Variants in PXDN observed in about 807,000 individuals in gnomAD.
The protein encoded by PXDN is peroxidasin homolog.
PXDN carries 77 observed loss-of-function variants against 140.3 expected under a neutral mutation model. That is an observed-to-expected ratio of 0.55 (90% CI 0.46 to 0.66). The LOEUF is 0.66. Ranked by LOEUF, PXDN falls within the 30% of genes least tolerant of loss-of-function variation. The probability of loss-of-function intolerance (pLI) is 0.00; values close to 1 mark genes in which losing one functional copy is unlikely to be tolerated. For missense variants in PXDN, 1,838 were observed against 2,039.5 expected, an observed-to-expected ratio of 0.90 and a Z score of 1.90; for synonymous variants, 911 against 857.4, an observed-to-expected ratio of 1.06 and a Z score of -1.09.
rs1486616098 is a variant in PXDN, at chr2:1,651,460, G to C, written c.2105-1785C>G. Among the ~76,000 whole-genome samples the C allele has an allele frequency of 3.9e-5, 6 of 152,196 alleles. No homozygotes were observed. Among genetic ancestry groups the C allele is most frequent in the Non-Finnish European group, 1.5e-5 (1 of 68,038 alleles). On this transcript the variant is annotated intron_variant, in intron 16 of 22. Coordinates refer to ENST00000252804, the MANE Select transcript of PXDN (RefSeq NM_012293.3). The surrounding 1 kb of genome is among the most constrained non-coding windows in gnomAD (Gnocchi z 4.4). The stretch of plus-strand genomic sequence containing the variant: ...GCTTGAAAATGCATCAAACCATGTT[G>C]CTTCTCTGCAGGAAACCCTAAGGTT...
intron 3 of PXDN, among the ~76,000 whole-genome samples, chr2:1,688,282 C>T (rs1372684016): frequency 1.3e-5 from 2 of 152,216 alleles, no homozygotes; most frequent in African/African-American, 2.4e-5. Context: ...TATTTCCTAA[C>T]ATGTGAACTT....
chr2:1,719,867 TGTGTGTGA>T lies in PXDN; in HGVS notation c.200+24381_200+24388del, dbSNP rs1400532739. ...GTGTGTGTGTGTGTGTGTGTGTGTG[TGTGTGTGA>T]AAGAGAGAGAGGGAGGGAGATTCAG... is the stretch of plus-strand genomic sequence containing the variant. On this transcript the variant is annotated intron_variant, in intron 1 of 22. Transcript: ENST00000252804. Among the ~76,000 whole-genome samples, 50 of 146,858 alleles carry T rather than the reference TGTGTGTGA, an allele frequency of 3.4e-4. 1 individual carries two copies. Among genetic ancestry groups the T allele is most frequent in the Admixed American group, 4.8e-4 (7 of 14,706 alleles).
At chr2:1,741,802 T>C (rs1335421909) in intron 1 of PXDN, among the ~76,000 whole-genome samples, 5 of 152,106 alleles carry the variant, frequency 3.3e-5, no homozygotes, top group African/African-American at 7.2e-5. Context: ...TAATCACATA[T>C]ACATGAGAGC....
rs1309656764 is a variant in PXDN at position 1,683,709 on chromosome 2, C to G, written c.507G>C (p.Arg169=). Residue 169 remains arginine, a synonymous_variant, in exon 6 of 23, where the codon CGG becomes CGC. Transcript: ENST00000252804. The stretch of plus-strand genomic sequence containing the variant: ...ATGTCCCTGGAACTAAATGTGTAAT[C>G]CGGTTGTTATGCAAAAATCTGTTGA... ...KLERLFLHNN[R]ITHLVPGTFN... 1 of 1,603,986 alleles carries G rather than the reference C, an allele frequency of 6.2e-7. No individual in the cohort carries two copies. The highest frequency in any genetic ancestry group is 1.1e-5 in the South Asian group (1 of 87,782).
Position 1,744,427 on chromosome 2 carries a change from C to G in PXDN, c.29G>C (p.Arg10Pro). MAKRSRGPG[R>P]RCLLALVLFC... ...CAGCACGAGCGCCAACAGGCAGCGG[C>G]GCCCGGGGCCCCTGGAGCGCTTGGC... The change falls in exon 1 of 23, where the codon CGC becomes CCC. Residue 10 changes from arginine (R) to proline (P), a missense_variant. This residue lies in a region of PXDN where 231 missense variants were observed against 201.5 expected (regional missense o/e 1.15). Coordinates refer to ENST00000252804, the MANE Select transcript of PXDN (RefSeq NM_012293.3). 2.7e-6 allele frequency: 4 copies of G among 1,505,854 alleles called. No individual in the cohort carries two copies. Among genetic ancestry groups the G allele is most frequent in the Non-Finnish European group, 2.6e-6 (3 of 1,134,532 alleles). The allele number at this position is 1,505,854 out of a possible 1,614,324, so 93.3% of individuals were successfully genotyped here.
At chr2:1,653,374 C>T in intron 16 of PXDN, 1 of 520,460 alleles carries the variant, frequency 1.9e-6, no homozygotes, top group Non-Finnish European at 3.6e-6. Flanking sequence ...CCACTCAGGG[C>T]AGGTGGACCT....
At chr2:1,734,980 T>C (rs1204632573) in intron 1 of PXDN, among the ~76,000 whole-genome samples, 3 of 152,220 alleles carry the variant, frequency 2.0e-5, no homozygotes, top group Non-Finnish European at 4.4e-5. Flanking sequence ...AGATCCTGTG[T>C]TGTCATTTCA....
At chr2:1,738,972 G>A (rs1408849362) in intron 1 of PXDN, among the ~76,000 whole-genome samples, 4 of 152,116 alleles carry the variant, frequency 2.6e-5, no homozygotes, top group Non-Finnish European at 5.9e-5. Flanking sequence ...GCTGCTGCCC[G>A]GACAATGCAA....
At chr2:1,701,983 TTGGTAACTGCTGCTG>T (rs1333488497) in intron 1 of PXDN, among the ~76,000 whole-genome samples, 7 of 152,124 alleles carry the variant, frequency 4.6e-5, no homozygotes, top group Non-Finnish European at 1.0e-4. Context: ...CAGGGGTGAA[TTGGTAACTGCTGCTG>T]TGTTTACAGG....
At chr2:1,690,547 C>G (rs745677688) in intron 3 of PXDN, among the ~76,000 whole-genome samples, 3 of 147,708 alleles carry the variant, frequency 2.0e-5, no homozygotes, top group African/African-American at 5.0e-5. Flanking sequence ...ACCTATTAAA[C>G]ACACATATAC....
At position 1,648,318 on chromosome 2, in the gene PXDN, C is replaced by T; in HGVS notation, c.3462G>A (p.Leu1154=). The T allele has an allele frequency of 6.2e-7, 1 of 1,613,884 alleles. No homozygotes were observed. The highest frequency in any genetic ancestry group is 2.2e-5 in the East Asian group (1 of 44,862). Residue 1154 remains leucine, a synonymous_variant, in exon 17 of 23, where the codon CTG becomes CTA. Transcript: ENST00000252804. This position sits in a 1 kb window ranked among gnomAD's most constrained non-coding sequence, Gnocchi z 8.9. ...FSMAHTVALD[L]AAINIQRGRD... Reference sequence around the variant, plus strand: ...GGCCCCGCTGGATGTTGATGGCCGCCAGGTCCAGAGCCACCGTGTGTGCCA... The same window carrying T: ...GGCCCCGCTGGATGTTGATGGCCGCTAGGTCCAGAGCCACCGTGTGTGCCA...
intron 1 of PXDN, among the ~76,000 whole-genome samples, chr2:1,705,139 C>T (rs1684562211): frequency 6.6e-6 from 1 of 152,024 alleles, no homozygotes; most frequent in Non-Finnish European, 1.5e-5. Flanking sequence ...CGTCTGCACA[C>T]ATCCCAGTGC....
chr2:1,736,453 T>C (rs1465988368), intron 1 of PXDN, among the ~76,000 whole-genome samples: 1 of 151,994 alleles, frequency 6.6e-6, no homozygotes, highest in Non-Finnish European at 1.5e-5. Flanking sequence ...CACACAACAT[T>C]TAGATTAAGT....
In PXDN at chr2:1,649,410, G is replaced by A. The variant is rs996158227; in HGVS notation, c.2370C>T (p.His790=). 1.9e-6 allele frequency: 3 copies of A among 1,613,886 alleles called. No homozygotes were observed. The highest frequency in any genetic ancestry group is 1.3e-5 in the African/African-American group (1 of 74,932). The change falls in exon 17 of 23, where the codon CAC becomes CAT. Residue 790 remains histidine, a synonymous_variant. Transcript: ENST00000252804. This position sits in a 1 kb window ranked among gnomAD's most constrained non-coding sequence, Gnocchi z 7.1. ...GINPHRLYNG[H]ALPMPRLVST... ...ACACCAGGCGCGGCATGGGAAGGGCGTGCCCGTTGTACAGTCGGTGGGGGT... is the reference window on the plus strand; with the variant it reads ...ACACCAGGCGCGGCATGGGAAGGGCATGCCCGTTGTACAGTCGGTGGGGGT...
At chr2:1,689,569 G>A (rs569547930) in intron 3 of PXDN, among the ~76,000 whole-genome samples, 154 of 152,238 alleles carry the variant, frequency 1.0e-3, no homozygotes, top group Non-Finnish European at 2.0e-3. Context: ...GATCACTTGA[G>A]GTCAGGAGTT....
At chr2:1,743,571 G>T (rs907415999) in intron 1 of PXDN, among the ~76,000 whole-genome samples, 5 of 149,838 alleles carry the variant, frequency 3.3e-5, no homozygotes, top group African/African-American at 1.2e-4. Flanking sequence ...TCCCCGGCGC[G>T]GGGGGATGGG....
At chr2:1,707,831 C>A (rs1361661686) in intron 1 of PXDN, among the ~76,000 whole-genome samples, 1 of 152,180 alleles carries the variant, frequency 6.6e-6, no homozygotes, top group Non-Finnish European at 1.5e-5. Flanking sequence ...CGGTGACTGT[C>A]TAAAGGGAAG....
At position 1,660,699 on chromosome 2, in the gene PXDN, G is replaced by A. The variant is rs1683282807; in HGVS notation, c.1837+182C>T. 6.6e-6 allele frequency among the ~76,000 whole-genome samples: 1 copy of A among 152,196 alleles called. No homozygotes were observed. Among genetic ancestry groups the A allele is most frequent in the African/African-American group, 2.4e-5 (1 of 41,448 alleles). On this transcript the variant is annotated intron_variant, in intron 14 of 22. Transcript: ENST00000252804. The surrounding 1 kb of genome is among the most constrained non-coding windows in gnomAD (Gnocchi z 4.6). ...AGGGCCTCCAGGTGCCTGTGTGGAGGGGAGGGGCTGTCGAGCAGCCCGGCC... is the reference window on the plus strand; with the variant it reads ...AGGGCCTCCAGGTGCCTGTGTGGAGAGGAGGGGCTGTCGAGCAGCCCGGCC...
intron 4 of PXDN, among the ~76,000 whole-genome samples, chr2:1,684,420 G>C (rs111660783): frequency 2.2e-4 from 34 of 152,354 alleles, no homozygotes; most frequent in African/African-American, 8.2e-4. Context: ...CACCGCGTGA[G>C]AAGGGCAGTG....
Sources: gnomAD v4.1 joint callset for allele counts (sites outside exome capture counted in the v4.1 genomes callset) on GRCh38, gnomAD v4.1.1 for gene constraint, gnomAD v4.1.1 regional missense constraint, Gnocchi (gnomAD v3.1) non-coding constraint, MANE v1.5 for transcripts, NCBI Gene and HGNC (gene_info 2026-07-23, HGNC 2026-07-21) for gene names.